TADA2B: variants seen among roughly 807,000 people sequenced by gnomAD.
The protein encoded by TADA2B is transcriptional adaptor 2B.
Under a neutral mutation model 34.5 loss-of-function variants are expected in TADA2B, and 13 were observed. The observed-to-expected ratio is 0.38, with a 90% CI of 0.25 to 0.60. TADA2B has a LOEUF of 0.60. Among genes scored for constraint, TADA2B ranks in the 20% least tolerant of loss-of-function variants. The pLI, the probability that TADA2B is intolerant of heterozygous loss-of-function variation, is 0.65. For missense variants in TADA2B, 442 were observed against 575.0 expected, an observed-to-expected ratio of 0.77 and a Z score of 2.37; for synonymous variants, 240 against 243.4, an observed-to-expected ratio of 0.99 and a Z score of 0.13.
Position 7,043,861 on chromosome 4 carries a change from G to A in TADA2B, c.270+12G>A. ...GCTTCGGAAACTGGGTGAGCGGCGC[G>A]ACGGGGGCCGGGTCCCGGCTAGGGC... On this transcript the variant is annotated intron_variant, in intron 1 of 1. Coordinates refer to ENST00000310074, the MANE Select transcript of TADA2B (RefSeq NM_152293.3). 1.4e-6 allele frequency: 2 copies of A among 1,456,454 alleles called. No homozygotes were observed. Among genetic ancestry groups the A allele is most frequent in the Non-Finnish European group, 1.8e-6 (2 of 1,104,196 alleles). The allele number at this position is 1,456,454 out of a possible 1,614,324, so 90.2% of individuals were successfully genotyped here.
In TADA2B at chr4:7,054,723, C is replaced by T. The variant is rs764337259; in HGVS notation, c.932C>T (p.Ala311Val). The stretch of plus-strand genomic sequence containing the variant: ...GAAGAGTCGGCAGAGTACGAGGCAG[C>T]GCGGCATAAACGGGAGAAGAGGAAG... ...KMEESAEYEAARHKREKRKEN... is the reference protein window; with the variant it reads ...KMEESAEYEAVRHKREKRKEN... The change falls in exon 2 of 2, where the codon GCG becomes GTG. Residue 311 changes from alanine (A) to valine (V), a missense_variant. Ala to Val is a moderately conservative substitution (Grantham distance 64, BLOSUM62 0). This residue lies in a region of TADA2B where 114 missense variants were observed against 144.7 expected (regional missense o/e 0.79). Coordinates refer to ENST00000310074, the MANE Select transcript of TADA2B (RefSeq NM_152293.3). The T allele has an allele frequency of 6.8e-6, 11 of 1,613,884 alleles. No individual in the cohort carries two copies. Among genetic ancestry groups the T allele is most frequent in the South Asian group, 1.1e-5 (1 of 91,076 alleles).
At chr4:7,053,225 CCT>C (rs1723807368) in intron 1 of TADA2B, 1 of 152,244 alleles carries the variant, frequency 6.6e-6, no homozygotes, top group African/African-American at 2.4e-5. Context: ...GAGGAAGAGG[CCT>C]CTCGGCAGAA....
intron 1 of TADA2B, among the ~76,000 whole-genome samples, chr4:7,052,005 CTCA>C (rs1723782667): frequency 6.6e-6 from 1 of 152,246 alleles, no homozygotes; most frequent in Non-Finnish European, 1.5e-5. Context: ...GCCCCACTGA[CTCA>C]CCTTGTGACC....
At chr4:7,047,619 G>A (rs551021427) in intron 1 of TADA2B, among the ~76,000 whole-genome samples, 1 of 152,378 alleles carries the variant, frequency 6.6e-6, no homozygotes, top group East Asian at 1.9e-4. Flanking sequence ...AACAGGCTAG[G>A]AGGAAGACAG....
At chr4:7,048,297 G>A (rs1723683140) in intron 1 of TADA2B, among the ~76,000 whole-genome samples, 1 of 152,110 alleles carries the variant, frequency 6.6e-6, no homozygotes, top group South Asian at 2.1e-4. Flanking sequence ...GGGAGGGAGA[G>A]CCCGGATGGG....
intron 1 of TADA2B, among the ~76,000 whole-genome samples, chr4:7,047,809 T>C (rs1723671216): frequency 6.6e-6 from 1 of 152,290 alleles, no homozygotes; most frequent in African/African-American, 2.4e-5. Flanking sequence ...AGGAAGCTGG[T>C]GAAAAGCCCT....
chr4:7,048,726 C>T (rs540410228), intron 1 of TADA2B, among the ~76,000 whole-genome samples: 2 of 152,270 alleles, frequency 1.3e-5, no homozygotes, highest in South Asian at 4.2e-4. Context: ...TGTCCCCATT[C>T]AACACTCACT....
intron 1 of TADA2B, 31 bp from the exon 2 acceptor site, chr4:7,054,031 T>C: frequency 6.6e-7 from 1 of 1,524,984 alleles, no homozygotes; most frequent in South Asian, 1.3e-5. Flanking sequence ...ACCCTGATGG[T>C]GGAACTAACT....
chr4:7,044,061 C>G (rs1325675466), intron 1 of TADA2B, among the ~76,000 whole-genome samples: 1 of 152,284 alleles, frequency 6.6e-6, no homozygotes, highest in Admixed American at 6.5e-5. Flanking sequence ...GGTCACACAG[C>G]CGAGACGGGG....
In TADA2B at chr4:7,055,220, C is replaced by G; in HGVS notation, c.*166C>G. The G allele has an allele frequency of 4.2e-6, 3 of 713,722 alleles. No homozygotes were observed. The highest frequency in any genetic ancestry group is 6.8e-6 in the Non-Finnish European group (3 of 438,680). 44.2% of individuals were successfully genotyped at this position (713,722 alleles called of 1,614,324 possible). A position where few individuals can be genotyped will look rare whatever the true frequency, so the allele number is the denominator to read the frequency against. On this transcript the variant is annotated 3_prime_UTR_variant, in exon 2 of 2. Coordinates refer to ENST00000310074, the MANE Select transcript of TADA2B (RefSeq NM_152293.3). ...GGTCCTCTGAAAGAAGCAATAGTAA[C>G]AATCTTATATTGGATCATGGGGGAA...
intron 1 of TADA2B, among the ~76,000 whole-genome samples, chr4:7,044,077 T>G (rs1015095550): frequency 6.6e-6 from 1 of 152,142 alleles, no homozygotes; most frequent in Non-Finnish European, 1.5e-5. Context: ...CGGGGCCGAG[T>G]GGGGCTTTGA....
chr4:7,053,451 C>G (rs998392911), intron 1 of TADA2B: 1 of 152,418 alleles, frequency 6.6e-6, no homozygotes, highest in South Asian at 2.1e-4. Context: ...GCCAGCCCCC[C>G]CGGCGCATGA....
At position 7,054,539 on chromosome 4, in the gene TADA2B, AAGG is replaced by A; in HGVS notation, c.754_756del (p.Glu252del). 1.2e-6 allele frequency: 2 copies of A among 1,613,820 alleles called. No individual in the cohort carries two copies. The highest frequency in any genetic ancestry group is 1.7e-6 in the Non-Finnish European group (2 of 1,179,902). ...AAAGGCGCTGAAGCGCAAGATCACC[AAGG>A]AGGAGAAGGAGCTGCGCCTGAAGCT... On this transcript the variant is annotated inframe_deletion, in exon 2 of 2. Coordinates refer to ENST00000310074, the MANE Select transcript of TADA2B (RefSeq NM_152293.3).
intron 1 of TADA2B, among the ~76,000 whole-genome samples, chr4:7,051,061 C>A (rs151106970): frequency 2.6e-5 from 4 of 152,186 alleles, no homozygotes; most frequent in Non-Finnish European, 4.4e-5. Context: ...TGGGCGTAGA[C>A]GTGCTTATCT....
intron 1 of TADA2B, chr4:7,053,754 C>T: frequency 3.1e-6 from 1 of 322,812 alleles, no homozygotes. Flanking sequence ...AAAGTCCAAA[C>T]CTCAGCCAGG....
intron 1 of TADA2B, among the ~76,000 whole-genome samples, chr4:7,052,111 C>G (rs949656590): frequency 6.6e-6 from 1 of 152,240 alleles, no homozygotes; most frequent in Non-Finnish European, 1.5e-5. Context: ...CCATCGGAGC[C>G]TCCTGGAAAC....
At chr4:7,049,841 T>C (rs1157814509) in intron 1 of TADA2B, among the ~76,000 whole-genome samples, 1 of 152,208 alleles carries the variant, frequency 6.6e-6, no homozygotes, top group Admixed American at 6.5e-5. Context: ...CGAGGGCTGT[T>C]GGCATCCCAC....
At chr4:7,052,288 C>T (rs936648177) in intron 1 of TADA2B, among the ~76,000 whole-genome samples, 5 of 152,270 alleles carry the variant, frequency 3.3e-5, no homozygotes, top group African/African-American at 9.6e-5. Context: ...TTCCCATCTT[C>T]CAGGCACCCC....
rs777862547 is a variant in TADA2B, at chr4:7,043,886, C to T, written c.270+37C>T. 4.1e-6 allele frequency: 6 copies of T among 1,448,592 alleles called. No homozygotes were observed. In the African/African-American group the frequency reaches 4.4e-5, roughly 11 times the overall value. The allele number at this position is 1,448,592 out of a possible 1,614,324, so 89.7% of individuals were successfully genotyped here. A position where few individuals can be genotyped will look rare whatever the true frequency, so the allele number is the denominator to read the frequency against. ...GACGGGGGCCGGGTCCCGGCTAGGG[C>T]ACTGGAAGGCCCGCGCCTCTCCTGT... On this transcript the variant is annotated intron_variant, in intron 1 of 1. Coordinates refer to ENST00000310074, the MANE Select transcript of TADA2B (RefSeq NM_152293.3).
Sources: allele counts gnomAD v4.1 joint callset (sites outside exome capture counted in the v4.1 genomes callset), GRCh38; gene constraint gnomAD v4.1.1; regional missense constraint gnomAD v4.1.1; transcripts MANE v1.5; gene names NCBI Gene and HGNC (gene_info 2026-07-23, HGNC 2026-07-21).